OLFM3: variants seen among roughly 807,000 people sequenced by gnomAD.
The protein encoded by OLFM3 is olfactomedin 3, also known as noelin-3.
A neutral mutation model predicts 48.6 loss-of-function variants in OLFM3; 20 were observed. The ratio of observed to expected loss-of-function variants is 0.41; its 90% CI spans 0.29 to 0.60. The LOEUF (loss-of-function observed/expected upper bound fraction) is 0.60, where lower values mean the gene tolerates loss of function less well. Ranked by LOEUF, OLFM3 falls within the 20% of genes least tolerant of loss-of-function variation. OLFM3 has a pLI of 0.28. For missense variants in OLFM3, 437 were observed against 544.3 expected, an observed-to-expected ratio of 0.80 and a Z score of 1.96; for synonymous variants, 222 against 198.1, an observed-to-expected ratio of 1.12 and a Z score of -1.01.
At chr1:101,824,449 A>G (rs1016026170) in intron 4 of OLFM3, among the ~76,000 whole-genome samples, 26 of 152,174 alleles carry the variant, frequency 1.7e-4, no homozygotes, top group African/African-American at 5.3e-4. Flanking sequence ...TGCATGTCAC[A>G]TGCTTGACTC....
chr1:101,928,471 A>G (rs1659345552), intron 1 of OLFM3, among the ~76,000 whole-genome samples: 2 of 152,126 alleles, frequency 1.3e-5, no homozygotes, highest in African/African-American at 4.8e-5. Flanking sequence ...AGAGTGTTTT[A>G]CTGGCAGTCT....
rs367556995 is a variant in OLFM3 at position 101,863,624 on chromosome 1, G to A, written c.70-26599C>T. ...GAGCCTAGATCAGGAAAGTAAGGACGCTTATTCGTAAAAATATCAATATAT... is the reference window on the plus strand; with the variant it reads ...GAGCCTAGATCAGGAAAGTAAGGACACTTATTCGTAAAAATATCAATATAT... On this transcript the variant is annotated intron_variant, in intron 1 of 5. Transcript: ENST00000370103. Among the ~76,000 whole-genome samples, 4 of 152,046 alleles carry A rather than the reference G, an allele frequency of 2.6e-5. No individual in the cohort carries two copies. The South Asian group carries it at 6.2e-4, about 24-fold the overall frequency.
chr1:101,948,066 A>G (rs1234649642), intron 1 of OLFM3, among the ~76,000 whole-genome samples: 1 of 152,188 alleles, frequency 6.6e-6, no homozygotes, highest in Non-Finnish European at 1.5e-5. Flanking sequence ...TAACTGGTCT[A>G]AAGATTATAA....
intron 1 of OLFM3, among the ~76,000 whole-genome samples, chr1:101,975,153 A>C (rs773391848): frequency 1.7e-4 from 26 of 152,194 alleles, no homozygotes; most frequent in Non-Finnish European, 2.5e-4. Flanking sequence ...TTAACTCTAT[A>C]TCTAGATTTC....
chr1:101,879,221 C>T (rs1280148469), intron 1 of OLFM3, among the ~76,000 whole-genome samples: 1 of 151,818 alleles, frequency 6.6e-6, no homozygotes, highest in Non-Finnish European at 1.5e-5. Context: ...ATTGATTTTA[C>T]TAAACACTAC....
At chr1:101,983,856 A>G (rs1294112819) in intron 1 of OLFM3, among the ~76,000 whole-genome samples, 1 of 152,212 alleles carries the variant, frequency 6.6e-6, no homozygotes, top group Non-Finnish European at 1.5e-5. Context: ...GGTTTTCTAA[A>G]CAAAATTGCT....
chr1:101,956,758 A>G (rs563381092), intron 1 of OLFM3, among the ~76,000 whole-genome samples: 1 of 152,048 alleles, frequency 6.6e-6, no homozygotes, highest in East Asian at 1.9e-4. Flanking sequence ...AGTAAAAAAT[A>G]AAAACATGTA....
chr1:101,889,283 A>G (rs2101002450), intron 1 of OLFM3, among the ~76,000 whole-genome samples: 1 of 152,336 alleles, frequency 6.6e-6, no homozygotes, highest in Non-Finnish European at 1.5e-5. Flanking sequence ...CTGGATTAAG[A>G]AAATGTGGCA....
chr1:101,809,625 C>A (rs1653951755), intron 4 of OLFM3, among the ~76,000 whole-genome samples: 1 of 151,732 alleles, frequency 6.6e-6, no homozygotes, highest in African/African-American at 2.4e-5. Context: ...ATGCAGTGGG[C>A]TTTGAGAATA....
chr1:101,910,136 C>G, intron 1 of OLFM3: 2 of 985,288 alleles, frequency 2.0e-6, no homozygotes, highest in Non-Finnish European at 2.4e-6. Flanking sequence ...TCCTCTTCAT[C>G]ATCACAAGAT....
chr1:101,938,077 A>G (rs1659677076), intron 1 of OLFM3, among the ~76,000 whole-genome samples: 1 of 152,194 alleles, frequency 6.6e-6, no homozygotes, highest in Admixed American at 6.5e-5. Flanking sequence ...GATATAGCAA[A>G]TTTAACGTAG....
At chr1:101,828,455 T>C (rs1263972817) in intron 3 of OLFM3, among the ~76,000 whole-genome samples, 1 of 152,214 alleles carries the variant, frequency 6.6e-6, no homozygotes, top group South Asian at 2.1e-4. Flanking sequence ...TTGGATTACA[T>C]GAACTAGGAA....
At chr1:101,873,635 T>C (rs1472115549) in intron 1 of OLFM3, among the ~76,000 whole-genome samples, 1 of 151,898 alleles carries the variant, frequency 6.6e-6, no homozygotes, top group African/African-American at 2.4e-5. Context: ...ATTTTTTTTT[T>C]ATTTACAATG....
intron 1 of OLFM3, among the ~76,000 whole-genome samples, chr1:101,921,014 C>A (rs780408917): frequency 1.1e-4 from 17 of 152,140 alleles, no homozygotes; most frequent in Non-Finnish European, 1.8e-4. Flanking sequence ...CTGCTGCCCA[C>A]CTTCTCCATA....
chr1:101,904,857 C>A (rs1338688493), intron 1 of OLFM3, among the ~76,000 whole-genome samples: 1 of 152,054 alleles, frequency 6.6e-6, no homozygotes, highest in African/African-American at 2.4e-5. Flanking sequence ...TCCCCACAGT[C>A]ACAGCAAAAC....
chr1:101,900,312 A>G (rs76946058), intron 1 of OLFM3, among the ~76,000 whole-genome samples: 13,516 of 152,210 alleles, frequency 0.089, 789 homozygotes, highest in East Asian at 0.22. Context: ...GTATGAGAAC[A>G]CAGAAGAAAG....
Position 101,973,449 on chromosome 1 carries a change from T to C in OLFM3, c.69+23299A>G, listed in dbSNP as rs140868193. Among the ~76,000 whole-genome samples, 607 of 152,350 alleles carry C rather than the reference T, an allele frequency of 4.0e-3. 8 individuals are homozygous for C. The highest frequency in any genetic ancestry group is 0.014 in the African/African-American group (588 of 41,590). ...GTTGTCCAGGGTAGGTTTTGTCTAC[T>C]GAGTTTACTGATTTAAATATTAAAC... is the stretch of plus-strand genomic sequence containing the variant. On this transcript the variant is annotated intron_variant, in intron 1 of 5. Transcript: ENST00000370103.
At chr1:101,830,227 A>C (rs912369848) in intron 3 of OLFM3, among the ~76,000 whole-genome samples, 1 of 152,154 alleles carries the variant, frequency 6.6e-6, no homozygotes, top group African/African-American at 2.4e-5. Context: ...AGTATTTGTA[A>C]ATAATTGCCA....
chr1:101,940,272 C>T (rs1474434404), intron 1 of OLFM3, among the ~76,000 whole-genome samples: 1 of 151,194 alleles, frequency 6.6e-6, no homozygotes, highest in Non-Finnish European at 1.5e-5. Context: ...TTGAGTTTGA[C>T]TGATTTTTCA....
Sources: allele counts gnomAD v4.1 joint callset (sites outside exome capture counted in the v4.1 genomes callset), GRCh38; gene constraint gnomAD v4.1.1; transcripts MANE v1.5; gene names NCBI Gene and HGNC (gene_info 2026-07-23, HGNC 2026-07-21).